GHR: variants seen among roughly 807,000 people sequenced by gnomAD.
The protein encoded by GHR is growth hormone receptor, also known as GH receptor.
Under a neutral mutation model 67.1 loss-of-function variants are expected in GHR, and 35 were observed. The observed-to-expected ratio is 0.52, with a 90% CI of 0.40 to 0.69. The LOEUF (loss-of-function observed/expected upper bound fraction) is 0.69. Ranked by LOEUF, GHR falls within the 30% of genes least tolerant of loss-of-function variation. The pLI is 0.00. For synonymous variants in GHR, 272 were observed against 269.1 expected, an observed-to-expected ratio of 1.01 and a Z score of -0.10; for missense variants, 792 against 764.6, an observed-to-expected ratio of 1.04 and a Z score of -0.42.
intron 1 of GHR, among the ~76,000 whole-genome samples, chr5:42,495,891 A>G (rs897267895): frequency 6.6e-6 from 1 of 152,154 alleles, no homozygotes; most frequent in Non-Finnish European, 1.5e-5. Flanking sequence ...GATTAAGTCA[A>G]ACTTATCTAT....
intron 1 of GHR, among the ~76,000 whole-genome samples, chr5:42,457,612 C>T (rs777793483): frequency 6.6e-6 from 1 of 152,088 alleles, no homozygotes; most frequent in South Asian, 2.1e-4. Context: ...TATAACCAGA[C>T]CTTGTTAACT....
chr5:42,685,103 C>T (rs1299683336), intron 3 of GHR, among the ~76,000 whole-genome samples: 1 of 152,094 alleles, frequency 6.6e-6, no homozygotes, highest in East Asian at 1.9e-4. Context: ...AGCCCCACAG[C>T]CCTCAACAGG....
chr5:42,681,635 G>A (rs1482499869), intron 3 of GHR, among the ~76,000 whole-genome samples: 1 of 151,626 alleles, frequency 6.6e-6, no homozygotes, highest in African/African-American at 2.4e-5. Context: ...TATAAATCAT[G>A]CTACTATAAA....
intron 2 of GHR, among the ~76,000 whole-genome samples, chr5:42,580,401 TA>T (rs1488632618): frequency 6.6e-6 from 1 of 152,064 alleles, no homozygotes; most frequent in African/African-American, 2.4e-5. Flanking sequence ...GCTACAAAAA[TA>T]ATAAATTATC....
intron 1 of GHR, among the ~76,000 whole-genome samples, chr5:42,529,158 C>A (rs761403597): frequency 5.3e-5 from 8 of 151,878 alleles, no homozygotes; most frequent in Non-Finnish European, 1.0e-4. Flanking sequence ...ACTACAGGTG[C>A]CCACCACAAT....
At chr5:42,468,062 CG>C (rs1293281964) in intron 1 of GHR, 10 of 904,808 alleles carry the variant, frequency 1.1e-5, no homozygotes, top group African/African-American at 1.7e-5. Flanking sequence ...TAATATGATG[CG>C]GGGGTTTTCA....
At chr5:42,545,748 G>A (rs1180427298) in intron 1 of GHR, among the ~76,000 whole-genome samples, 1 of 152,134 alleles carries the variant, frequency 6.6e-6, no homozygotes, top group Non-Finnish European at 1.5e-5. Flanking sequence ...AACCTGCAAA[G>A]ATATAGTCCA....
At chr5:42,621,014 A>C (rs1358051157) in intron 2 of GHR, among the ~76,000 whole-genome samples, 2 of 151,988 alleles carry the variant, frequency 1.3e-5, no homozygotes, top group Non-Finnish European at 2.9e-5. Flanking sequence ...CCAAAATGTG[A>C]TTCTATTTAT....
At chr5:42,534,890 T>C (rs1748188572) in intron 1 of GHR, among the ~76,000 whole-genome samples, 1 of 152,156 alleles carries the variant, frequency 6.6e-6, no homozygotes, top group South Asian at 2.1e-4. Context: ...CATTGTGGTT[T>C]TGATTGCATT....
At chr5:42,625,299 T>C (rs1030519385) in intron 2 of GHR, among the ~76,000 whole-genome samples, 4 of 152,058 alleles carry the variant, frequency 2.6e-5, no homozygotes, top group African/African-American at 7.2e-5. Context: ...TGTGGGTTTC[T>C]ATTAAGGACT....
chr5:42,437,722 A>G (rs921838297), intron 1 of GHR, among the ~76,000 whole-genome samples: 4 of 151,462 alleles, frequency 2.6e-5, no homozygotes, highest in Non-Finnish European at 5.9e-5. Flanking sequence ...TAATTTTTGT[A>G]TATATGTATT....
At chr5:42,493,958 T>A (rs549732632) in intron 1 of GHR, among the ~76,000 whole-genome samples, 3 of 152,150 alleles carry the variant, frequency 2.0e-5, no homozygotes, top group East Asian at 3.9e-4. Flanking sequence ...GAGACTGGCA[T>A]TGAGCTCTTG....
intron 2 of GHR, among the ~76,000 whole-genome samples, chr5:42,598,782 TC>T (rs1431320071): frequency 6.6e-6 from 1 of 152,232 alleles, no homozygotes; most frequent in Non-Finnish European, 1.5e-5. Flanking sequence ...ATTTTCTTTG[TC>T]TTATTTTCTT....
At chr5:42,504,266 C>T (rs1306927569) in intron 1 of GHR, among the ~76,000 whole-genome samples, 1 of 152,062 alleles carries the variant, frequency 6.6e-6, no homozygotes, top group Non-Finnish European at 1.5e-5. Flanking sequence ...GTTCAGTTTA[C>T]CTGATTTTAT....
intron 1 of GHR, among the ~76,000 whole-genome samples, chr5:42,525,613 A>G (rs1420882029): frequency 6.6e-6 from 1 of 152,206 alleles, no homozygotes; most frequent in African/African-American, 2.4e-5. Flanking sequence ...ATGTGAAGAC[A>G]TGAGATTTGG....
At chr5:42,468,364 C>G (rs193264818) in intron 1 of GHR, 4 of 1,427,722 alleles carry the variant, frequency 2.8e-6, no homozygotes, top group Non-Finnish European at 3.8e-6. Flanking sequence ...CTGGGAGCTG[C>G]CCAGCACAGG....
chr5:42,454,198 T>A (rs1182998007), intron 1 of GHR, among the ~76,000 whole-genome samples: 2 of 152,094 alleles, frequency 1.3e-5, no homozygotes, highest in Non-Finnish European at 2.9e-5. Context: ...CTGGTGGAGG[T>A]GACAGGATAG....
chr5:42,720,116 C>T lies in GHR; in HGVS notation c.*692C>T, dbSNP rs17839373. On this transcript the variant is annotated 3_prime_UTR_variant, in exon 10 of 10. Coordinates refer to ENST00000230882, the MANE Select transcript of GHR (RefSeq NM_000163.5). ...CAATGCACCTAAAGAAAAACAAACTCGTTTTTTACAAAGCCCTTTTATACC... is the reference window on the plus strand; with the variant it reads ...CAATGCACCTAAAGAAAAACAAACTTGTTTTTTACAAAGCCCTTTTATACC... 6.6e-6 allele frequency: 1 copy of T among 152,516 alleles called. No homozygotes were observed. The highest frequency in any genetic ancestry group is 1.5e-5 in the Non-Finnish European group (1 of 68,326). The allele number at this position is 152,516 out of a possible 1,614,324, so 9.4% of individuals were successfully genotyped here.
intron 3 of GHR, among the ~76,000 whole-genome samples, chr5:42,639,437 AG>A (rs1224629765): frequency 6.6e-6 from 1 of 152,146 alleles, no homozygotes; most frequent in Admixed American, 6.5e-5. Context: ...TCACTGCCGC[AG>A]GTTATCTTTT....
Sources: allele counts gnomAD v4.1 joint callset (sites outside exome capture counted in the v4.1 genomes callset), GRCh38; gene constraint gnomAD v4.1.1; transcripts MANE v1.5; gene names NCBI Gene and HGNC (gene_info 2026-07-23, HGNC 2026-07-21).